The following GDPD1 variants were observed in gnomAD, a reference collection of about 807,000 sequenced individuals.
GDPD1 encodes lysophospholipase D GDPD1.
GDPD1 carries 28 observed loss-of-function variants against 45.1 expected under a neutral mutation model. The ratio of observed to expected loss-of-function variants is 0.62; its 90% confidence interval spans 0.46 to 0.85. The LOEUF (loss-of-function observed/expected upper bound fraction) is 0.85, where lower values mean the gene tolerates loss of function less well. Ranked by LOEUF, GDPD1 falls within the 40% of genes least tolerant of loss-of-function variation. The probability of loss-of-function intolerance (pLI) is 0.00; values close to 1 mark genes in which losing one functional copy is unlikely to be tolerated. For missense variants in GDPD1, 256 were observed against 364.8 expected, an observed-to-expected ratio of 0.70 and a Z score of 2.43; for synonymous variants, 139 against 131.4, an observed-to-expected ratio of 1.06 and a Z score of -0.40.
At chr17:59,259,275 C>CA (rs1052293497) in intron 6 of GDPD1, among the ~76,000 whole-genome samples, 6 of 148,364 alleles carry the variant, frequency 4.0e-5, no homozygotes, top group Admixed American at 1.3e-4. Context: ...ATTAAAAATA[C>CA]AAAAAATAGA....
rs1325365061 is a variant in GDPD1 at position 59,220,752 on chromosome 17, G to A, written c.142+1G>A. 46 of 1,612,456 alleles carry A rather than the reference G, an allele frequency of 2.9e-5. No homozygotes were observed. The highest frequency in any genetic ancestry group is 3.8e-5 in the Non-Finnish European group (45 of 1,179,806). ...AGTAAACACATCTCTCACCGCGGAG[G>A]TGAGAGGGGTCCCCAGAACCCGATG... On this transcript the variant is annotated splice_donor_variant, in intron 1 of 9. Coordinates refer to ENST00000284116, the MANE Select transcript of GDPD1 (RefSeq NM_182569.4). LOFTEE classifies it high-confidence loss of function.
intron 4 of GDPD1, among the ~76,000 whole-genome samples, chr17:59,250,446 C>A (rs2047244082): frequency 1.3e-5 from 2 of 151,820 alleles, no homozygotes; most frequent in Admixed American, 1.3e-4. Flanking sequence ...CATAGCAAGA[C>A]CCCGTCTCTA....
intron 2 of GDPD1, among the ~76,000 whole-genome samples, chr17:59,238,395 A>T (rs1328091909): frequency 6.6e-6 from 1 of 150,432 alleles, no homozygotes; most frequent in East Asian, 1.9e-4. Flanking sequence ...GGTTATGAAT[A>T]TGGCTCTTCT....
intron 1 of GDPD1, among the ~76,000 whole-genome samples, chr17:59,226,437 T>C (rs570081000): frequency 2.0e-4 from 30 of 152,266 alleles, no homozygotes; most frequent in African/African-American, 7.2e-4. Flanking sequence ...ATCAAACTAG[T>C]AGTTTTTTGT....
At chr17:59,267,453 C>T (rs971464795) in intron 7 of GDPD1, among the ~76,000 whole-genome samples, 1 of 152,004 alleles carries the variant, frequency 6.6e-6, no homozygotes, top group African/African-American at 2.4e-5. Flanking sequence ...TTATTTTATT[C>T]TCACATCAAA....
chr17:59,235,742 G>A (rs1282799071), intron 2 of GDPD1, among the ~76,000 whole-genome samples: 6 of 151,280 alleles, frequency 4.0e-5, no homozygotes, highest in African/African-American at 1.5e-4. Context: ...GCTTGAACCC[G>A]AGAGGCAGAG....
chr17:59,248,865 A>C, intron 4 of GDPD1, 80 bp downstream of exon 4: 1 of 992,586 alleles, frequency 1.0e-6, no homozygotes, highest in Non-Finnish European at 1.6e-6. Flanking sequence ...GTTCTTACTA[A>C]AAGTAACTGA....
intron 8 of GDPD1, among the ~76,000 whole-genome samples, chr17:59,271,758 C>T (rs966693308): frequency 2.0e-5 from 3 of 151,740 alleles, no homozygotes; most frequent in East Asian, 1.9e-4. Flanking sequence ...CTCAGCCTCC[C>T]GAGTAGCTGG....
At chr17:59,254,700 A>G (rs1258443448) in intron 4 of GDPD1, among the ~76,000 whole-genome samples, 1 of 152,192 alleles carries the variant, frequency 6.6e-6, no homozygotes, top group Non-Finnish European at 1.5e-5. Context: ...CATAATTAGA[A>G]AGTCCAGGGG....
intron 1 of GDPD1, among the ~76,000 whole-genome samples, chr17:59,228,193 AT>A (rs2047062403): frequency 6.7e-6 from 1 of 150,350 alleles, no homozygotes; most frequent in Non-Finnish European, 1.5e-5. Flanking sequence ...AAAAAAAAAA[AT>A]TGATAAAATA....
At chr17:59,236,572 G>C (rs554155256) in intron 2 of GDPD1, among the ~76,000 whole-genome samples, 3 of 151,918 alleles carry the variant, frequency 2.0e-5, no homozygotes, top group Non-Finnish European at 4.4e-5. Flanking sequence ...CTCAGCTCAC[G>C]GCAATCTCCA....
At chr17:59,264,642 T>C (rs2047384639) in intron 6 of GDPD1, among the ~76,000 whole-genome samples, 1 of 152,046 alleles carries the variant, frequency 6.6e-6, no homozygotes, top group Non-Finnish European at 1.5e-5. Flanking sequence ...AGCTCTGTTA[T>C]CCTTAGTGTA....
Position 59,256,312 on chromosome 17 carries a change from G to C in GDPD1, c.368-810G>C, listed in dbSNP as rs1376614827. Among the ~76,000 whole-genome samples the C allele has an allele frequency of 9.9e-5, 15 of 151,924 alleles. 1 individual carries two copies. The highest frequency in any genetic ancestry group is 9.2e-4 in the Admixed American group (14 of 15,226). On this transcript the variant is annotated intron_variant, in intron 4 of 9. Transcript: ENST00000284116. ...AGTCTGGGCGACAGAGTGAGACCCT[G>C]TCTCAAACAAACAAACAAACAAAAA...
intron 1 of GDPD1, among the ~76,000 whole-genome samples, chr17:59,224,795 C>A (rs1446919089): frequency 6.6e-6 from 1 of 152,060 alleles, no homozygotes; most frequent in Non-Finnish European, 1.5e-5. Flanking sequence ...AGCCGCTGAA[C>A]TTCAGCTTGG....
chr17:59,260,060 CAAAAAAAAAAAAAAA>C (rs56936442), intron 6 of GDPD1, among the ~76,000 whole-genome samples: 42 of 25,848 alleles, frequency 1.6e-3, no homozygotes, highest in Admixed American at 3.9e-3. Flanking sequence ...GACCCTGTCT[CAAAAAAAAAAAAAAA>C]AAAAAAAAAA....
Position 59,220,677 on chromosome 17 carries a change from T to G in GDPD1, c.68T>G (p.Leu23Trp). ...LGGYLVTSFLLLKYPTLLHQR... is the reference protein window; with the variant it reads ...LGGYLVTSFLWLKYPTLLHQR... ...GGATACTTGGTGACCTCATTCTTGT[T>G]GCTTAAATACCCGACCTTGCTGCAC... The change falls in exon 1 of 10, where the codon TTG becomes TGG. Residue 23 changes from leucine (L) to tryptophan (W), a missense_variant. Coordinates refer to ENST00000284116, the MANE Select transcript of GDPD1 (RefSeq NM_182569.4). The G allele has an allele frequency of 6.2e-7, 1 of 1,614,166 alleles. No homozygotes were observed. Among genetic ancestry groups the G allele is most frequent in the East Asian group, 2.2e-5 (1 of 44,874 alleles).
intron 2 of GDPD1, among the ~76,000 whole-genome samples, chr17:59,242,952 A>G (rs2047185475): frequency 6.6e-6 from 1 of 152,122 alleles, no homozygotes; most frequent in Admixed American, 6.6e-5. Flanking sequence ...TGATCCCAGC[A>G]CTTTGGGAAG....
In GDPD1 at chr17:59,273,935, T is replaced by A; in HGVS notation, c.*162T>A. The A allele has an allele frequency of 2.5e-6, 2 of 797,674 alleles. No homozygotes were observed. Among genetic ancestry groups the A allele is most frequent in the Non-Finnish European group, 3.1e-6 (2 of 641,682 alleles). 49.4% of individuals were successfully genotyped at this position (797,674 alleles called of 1,614,324 possible). ...GAGAATGTAGAAACTATATATTATA[T>A]GTATATTTATTTTAAATAATATTGT... On this transcript the variant is annotated 3_prime_UTR_variant, in exon 10 of 10. Transcript: ENST00000284116.
At chr17:59,227,363 G>T (rs1207232093) in intron 1 of GDPD1, among the ~76,000 whole-genome samples, 1 of 151,724 alleles carries the variant, frequency 6.6e-6, no homozygotes. Context: ...AGGTTGCAGT[G>T]AGCTGAGATT....
Sources: allele counts gnomAD v4.1 joint callset (sites outside exome capture counted in the v4.1 genomes callset), GRCh38; gene constraint gnomAD v4.1.1; transcripts MANE v1.5; gene names NCBI Gene and HGNC (gene_info 2026-07-23, HGNC 2026-07-21).